NIPSNAP1: variants seen among roughly 807,000 people sequenced by gnomAD.
The protein encoded by NIPSNAP1 is nipsnap homolog 1.
A neutral mutation model predicts 49.2 loss-of-function variants in NIPSNAP1; 25 were observed. That is an observed-to-expected ratio of 0.51 (90% CI 0.37 to 0.71). The LOEUF is 0.71. Among genes scored for constraint, NIPSNAP1 ranks in the 30% least tolerant of loss-of-function variants. The pLI is 0.00. For synonymous variants in NIPSNAP1, 143 were observed against 140.7 expected, an observed-to-expected ratio of 1.02 and a Z score of -0.12; for missense variants, 294 against 361.0, an observed-to-expected ratio of 0.81 and a Z score of 1.50.
chr22:29,558,002 C>T (rs1403201319), intron 9 of NIPSNAP1, among the ~76,000 whole-genome samples: 3 of 152,162 alleles, frequency 2.0e-5, no homozygotes, highest in African/African-American at 7.2e-5. Flanking sequence ...GTAGCTCATG[C>T]CTATGATCCC....
chr22:29,578,799 G>A (rs2064474765), intron 1 of NIPSNAP1, among the ~76,000 whole-genome samples: 1 of 151,248 alleles, frequency 6.6e-6, no homozygotes, highest in African/African-American at 2.5e-5. Flanking sequence ...GGGTCACTGA[G>A]TGAGGGGCAG....
intron 6 of NIPSNAP1, 144 bp from the exon 7 acceptor site, chr22:29,561,346 A>G: frequency 2.1e-6 from 3 of 1,424,960 alleles, no homozygotes; most frequent in South Asian, 2.3e-5. Flanking sequence ...GCCCTGACAC[A>G]CACCTGGTGT....
chr22:29,580,401 AGTT>A, intron 1 of NIPSNAP1: 1 of 407,370 alleles, frequency 2.5e-6, no homozygotes, highest in South Asian at 1.0e-4. Context: ...GGAGGCCACC[AGTT>A]GGGTGCAAAG....
chr22:29,573,570 A>G (rs1383534361), intron 1 of NIPSNAP1, among the ~76,000 whole-genome samples: 1 of 151,932 alleles, frequency 6.6e-6, no homozygotes, highest in Non-Finnish European at 1.5e-5. Flanking sequence ...GGAGTTTGAG[A>G]CCAGCCTGAC....
chr22:29,575,446 C>T (rs1198842059), intron 1 of NIPSNAP1, among the ~76,000 whole-genome samples: 2 of 152,136 alleles, frequency 1.3e-5, no homozygotes, highest in African/African-American at 4.8e-5. Context: ...CAAGAAGGAG[C>T]TTGTCAAAGA....
rs748470930 is a variant in NIPSNAP1 at position 29,569,332 on chromosome 22, G to A, written c.273-45C>T. 4.9e-6 allele frequency: 7 copies of A among 1,435,098 alleles called. No homozygotes were observed. The Admixed American group carries it at 1.2e-4, about 25-fold the overall frequency. The allele number at this position is 1,435,098 out of a possible 1,614,324, so 88.9% of individuals were successfully genotyped here. ...AGGGGCAGGGTTCACATAGCCACCA[G>A]GGCCTCTGAGATAAGGGTTCAAACT... On this transcript the variant is annotated intron_variant, in intron 3 of 9. Transcript: ENST00000216121.
At chr22:29,561,096 G>T (rs1004048746) in intron 7 of NIPSNAP1, 75 bp downstream of exon 7, 30 of 1,387,612 alleles carry the variant, frequency 2.2e-5, no homozygotes, top group Non-Finnish European at 2.9e-5. Flanking sequence ...GGAAAAGGTG[G>T]CCCACCAGGG....
intron 1 of NIPSNAP1, 135 bp from the exon 2 acceptor site, chr22:29,570,667 TC>T: frequency 8.4e-7 from 1 of 1,186,338 alleles, no homozygotes; most frequent in Non-Finnish European, 1.2e-6. Context: ...CTGTGGCAGC[TC>T]CAGACTGTGA....
At chr22:29,575,292 C>T (rs1319843213) in intron 1 of NIPSNAP1, among the ~76,000 whole-genome samples, 3 of 152,156 alleles carry the variant, frequency 2.0e-5, no homozygotes, top group Admixed American at 6.6e-5. Context: ...GGGGCTGGAA[C>T]ACTGGAAACT....
rs1224747029 is a variant in NIPSNAP1, at chr22:29,555,553, C to T, written c.*382G>A. The T allele has an allele frequency of 3.7e-6, 1 of 269,814 alleles. No individual in the cohort carries two copies. The highest frequency in any genetic ancestry group is 7.5e-6 in the Non-Finnish European group (1 of 133,074). 16.7% of individuals were successfully genotyped at this position (269,814 alleles called of 1,614,324 possible). ...CCTGGCCTCCTCTCTTCCCACCCCA[C>T]CTCTAGCCACTGGACATACTACCTT... is the stretch of plus-strand genomic sequence containing the variant. On this transcript the variant is annotated 3_prime_UTR_variant, in exon 10 of 10. Coordinates refer to ENST00000216121, the MANE Select transcript of NIPSNAP1 (RefSeq NM_003634.4).
At chr22:29,574,225 C>T (rs779963001) in intron 1 of NIPSNAP1, among the ~76,000 whole-genome samples, 2 of 128,324 alleles carry the variant, frequency 1.6e-5, no homozygotes, top group African/African-American at 3.0e-5. Flanking sequence ...CGCCACTGCA[C>T]GCCAGCCTGG....
intron 9 of NIPSNAP1, among the ~76,000 whole-genome samples, chr22:29,557,405 A>G (rs1002245014): frequency 6.6e-6 from 1 of 151,864 alleles, no homozygotes; most frequent in Non-Finnish European, 1.5e-5. Context: ...GGTGTAAGCC[A>G]CTGTGCTTGT....
At chr22:29,574,261 CAAAAAAAAAAA>C (rs1158442759) in intron 1 of NIPSNAP1, among the ~76,000 whole-genome samples, 11 of 36,690 alleles carry the variant, frequency 3.0e-4, no homozygotes, top group South Asian at 1.9e-3. Context: ...TCCATCTTCA[CAAAAAAAAAAA>C]AAAAAAAAAA....
At chr22:29,562,439 C>T (rs553911285) in intron 4 of NIPSNAP1, among the ~76,000 whole-genome samples, 1 of 152,268 alleles carries the variant, frequency 6.6e-6, no homozygotes, top group South Asian at 2.1e-4. Flanking sequence ...GTAGACCAGG[C>T]GCAGTGGCTC....
At chr22:29,572,130 CTG>C (rs2064412717) in intron 1 of NIPSNAP1, among the ~76,000 whole-genome samples, 1 of 151,810 alleles carries the variant, frequency 6.6e-6, no homozygotes, top group Admixed American at 6.6e-5. Flanking sequence ...TGGCGAAACC[CTG>C]TCTCTACTAA....
intron 1 of NIPSNAP1, among the ~76,000 whole-genome samples, chr22:29,577,322 G>T (rs1001119982): frequency 6.7e-6 from 1 of 150,224 alleles, no homozygotes; most frequent in Non-Finnish European, 1.5e-5. Context: ...GCACGATCTC[G>T]GCTCACTGCA....
Position 29,572,806 on chromosome 22 carries a change from T to TAAAAAAAAAA in NIPSNAP1, c.99-2275_99-2274insTTTTTTTTTT, listed in dbSNP as rs695508. On this transcript the variant is annotated intron_variant, in intron 1 of 9. Transcript: ENST00000216121. ...AGAGTGAGACTCTATCTCAAAAAAA[T>TAAAAAAAAAA]AAAATAAAATAAAATAAAATACAAT... 2.7e-5 allele frequency among the ~76,000 whole-genome samples: 4 copies of TAAAAAAAAAA among 150,372 alleles called. No individual in the cohort carries two copies. The South Asian group carries it at 6.3e-4, about 24-fold the overall frequency.
rs549828709 is a variant in NIPSNAP1, at chr22:29,576,637, G to T, written c.98+4348C>A. ...AAAGTATGAAACAAAAGAAATGGTA[G>T]ACCTTAGGCTGGGCGTGGTGGCTCA... On this transcript the variant is annotated intron_variant, in intron 1 of 9. Transcript: ENST00000216121. Among the ~76,000 whole-genome samples the T allele has an allele frequency of 1.5e-4, 22 of 151,376 alleles. 1 individual carries two copies. Among genetic ancestry groups the T allele is most frequent in the African/African-American group, 5.4e-4 (22 of 40,786 alleles).
chr22:29,558,826 T>C lies in NIPSNAP1; in HGVS notation c.790+44A>G, dbSNP rs200151436. On this transcript the variant is annotated intron_variant, in intron 9 of 9. Coordinates refer to ENST00000216121, the MANE Select transcript of NIPSNAP1 (RefSeq NM_003634.4). ...TCTCCTTGCAGAGAGGATTCCATCCTCAGACAGGGTTCTCAGCAGAAGACC... is the reference window on the plus strand; with the variant it reads ...TCTCCTTGCAGAGAGGATTCCATCCCCAGACAGGGTTCTCAGCAGAAGACC... 2.4e-5 allele frequency: 34 copies of C among 1,410,750 alleles called. No individual in the cohort carries two copies. In the African/African-American group the frequency reaches 4.8e-4, roughly 20 times the overall value. 87.4% of individuals were successfully genotyped at this position (1,410,750 alleles called of 1,614,324 possible).
Sources: allele counts gnomAD v4.1 joint callset (sites outside exome capture counted in the v4.1 genomes callset), GRCh38; gene constraint gnomAD v4.1.1; transcripts MANE v1.5; gene names NCBI Gene and HGNC (gene_info 2026-07-23, HGNC 2026-07-21).